Variants in TXLNB observed in about 807,000 individuals in gnomAD.
TXLNB encodes beta-taxilin.
Under a neutral mutation model 57.4 loss-of-function variants are expected in TXLNB, and 37 were observed. That is an observed-to-expected ratio of 0.64 (90% CI 0.50 to 0.85). The LOEUF (loss-of-function observed/expected upper bound fraction) is 0.85, where lower values mean the gene tolerates loss of function less well. Ranked by LOEUF, TXLNB falls within the 40% of genes least tolerant of loss-of-function variation. The pLI is 0.00. For missense variants in TXLNB, 848 were observed against 825.6 expected, an observed-to-expected ratio of 1.03 and a Z score of -0.33; for synonymous variants, 302 against 309.6, an observed-to-expected ratio of 0.98 and a Z score of 0.26.
chr6:139,205,359 T>G, the TXLNB span, among the ~76,000 whole-genome samples: 2 of 152,202 alleles, frequency 1.3e-5, no homozygotes, highest in Middle Eastern at 3.4e-3. Flanking sequence ...ACTCCTGACC[T>G]CAAGTAATCC....
the TXLNB span, chr6:139,169,912 ATTTATGGTTGTTTG>A: frequency 6.6e-6 from 1 of 152,220 alleles, no homozygotes; most frequent in African/African-American, 2.4e-5. Flanking sequence ...GCTGCATAGA[ATTTATGGTTGTTTG>A]TAACTTATTG....
At chr6:139,295,348 G>A (rs67059016), upstream of TXLNB, among the ~76,000 whole-genome samples, 2 of 152,020 alleles carry the variant, frequency 1.3e-5, no homozygotes, top group African/African-American at 2.4e-5. Flanking sequence ...TCAAATCAAC[G>A]TTAAAAGAAC....
rs11380166 is a variant in TXLNB at position 139,280,676 on chromosome 6, A to ATT, written c.425-3757_425-3756dup. ...AAAAGTATGCCTTTTCTCTTCCAAA[A>ATT]TTTTTTTTTTAGAACTTTGGGGTTA... On this transcript the variant is annotated intron_variant, in intron 2 of 9. Coordinates refer to ENST00000358430, the MANE Select transcript of TXLNB (RefSeq NM_153235.4). 7.4e-3 allele frequency among the ~76,000 whole-genome samples: 1,123 copies of ATT among 150,824 alleles called. 7 individuals are homozygous for ATT. Among genetic ancestry groups the ATT allele is most frequent in the Non-Finnish European group, 0.012 (809 of 67,612 alleles).
At chr6:139,308,986 T>TA in the TXLNB span, among the ~76,000 whole-genome samples, 1 of 152,186 alleles carries the variant, frequency 6.6e-6, no homozygotes, top group African/African-American at 2.4e-5. Context: ...TCTACCCCTG[T>TA]GAAAGGTAAA....
At chr6:139,185,526 C>G in the TXLNB span, among the ~76,000 whole-genome samples, 14 of 152,160 alleles carry the variant, frequency 9.2e-5, no homozygotes, top group East Asian at 2.5e-3. Flanking sequence ...ACGGTGAAAC[C>G]CCGTCTCTAC....
the TXLNB span, among the ~76,000 whole-genome samples, chr6:139,199,446 G>A: frequency 1.4e-4 from 21 of 152,214 alleles, no homozygotes; most frequent in Non-Finnish European, 2.1e-4. Flanking sequence ...AGTGGTGAAT[G>A]AGCAGACAGG....
At chr6:139,185,171 T>G in the TXLNB span, among the ~76,000 whole-genome samples, 2 of 151,948 alleles carry the variant, frequency 1.3e-5, no homozygotes, top group African/African-American at 4.8e-5. Flanking sequence ...GTGGGAGTCC[T>G]GGGGGCTACT....
In TXLNB at chr6:139,243,017, C is replaced by CT. The variant is rs1217176162; in HGVS notation, c.1563dup (p.Glu522ArgfsTer14). 6.2e-7 allele frequency: 1 copy of CT among 1,614,152 alleles called. No individual in the cohort carries two copies. Among genetic ancestry groups the CT allele is most frequent in the Non-Finnish European group, 8.5e-7 (1 of 1,180,036 alleles). On this transcript the variant is annotated frameshift_variant, in exon 10 of 10. Transcript: ENST00000358430. LOFTEE classifies it low-confidence loss of function (END_TRUNC). ...GAACTGCCTATTTCGGGTTGGGTTT[C>CT]TTTGGACTGGTGCGGGGTTGACTCT...
the TXLNB span, chr6:139,200,089 G>C: frequency 2.6e-5 from 4 of 152,084 alleles, no homozygotes; most frequent in Admixed American, 6.6e-5. Context: ...GGAAGATATG[G>C]GACTCCTTTG....
chr6:139,307,650 G>C, the TXLNB span, among the ~76,000 whole-genome samples: 1 of 152,136 alleles, frequency 6.6e-6, no homozygotes, highest in African/African-American at 2.4e-5. Flanking sequence ...CCTATATAGA[G>C]ATTTCCAGGA....
chr6:139,216,625 T>C, the TXLNB span, among the ~76,000 whole-genome samples: 1 of 151,978 alleles, frequency 6.6e-6, no homozygotes, highest in Admixed American at 6.6e-5. Context: ...TAAAGTATAA[T>C]AATAATAATT....
chr6:139,191,104 A>AT, the TXLNB span, among the ~76,000 whole-genome samples: 142 of 150,562 alleles, frequency 9.4e-4, no homozygotes, highest in East Asian at 2.2e-3. Flanking sequence ...ATGAAGTTTA[A>AT]TTTTTTTTTT....
At chr6:139,237,631 T>C (rs1775851399), downstream of TXLNB, 1 of 152,182 alleles carries the variant, frequency 6.6e-6, no homozygotes, top group South Asian at 2.1e-4. Flanking sequence ...AATATTTCCT[T>C]TTCCTCTTGT....
intron 1 of TXLNB, among the ~76,000 whole-genome samples, chr6:139,289,746 C>A (rs1777263711): frequency 6.6e-6 from 1 of 152,136 alleles, no homozygotes; most frequent in South Asian, 2.1e-4. Context: ...TGTAGATTAA[C>A]AATCACTGGG....
chr6:139,309,076 G>A, the TXLNB span, among the ~76,000 whole-genome samples: 2 of 152,184 alleles, frequency 1.3e-5, no homozygotes, highest in African/African-American at 4.8e-5. Flanking sequence ...CTCCCAGCTG[G>A]AACTTTGAAT....
chr6:139,319,487 A>T, the TXLNB span, among the ~76,000 whole-genome samples: 1 of 151,688 alleles, frequency 6.6e-6, no homozygotes, highest in Non-Finnish European at 1.5e-5. Flanking sequence ...CCTTTGTTAA[A>T]GGAGCAATAT....
rs529834848 is a variant in TXLNB, at chr6:139,254,887, C to T, written c.1077+677G>A. 6.6e-5 allele frequency among the ~76,000 whole-genome samples: 10 copies of T among 151,834 alleles called. No individual in the cohort carries two copies. In the South Asian group the frequency reaches 1.7e-3, roughly 25 times the overall value. On this transcript the variant is annotated intron_variant, in intron 7 of 9. Transcript: ENST00000358430. ...AGGCTGGAGTGCAGTGATGTGATCT[C>T]GGCTCACTGCAGCCTCCGCCTCCTG...
the TXLNB span, chr6:139,166,321 T>C: frequency 6.2e-7 from 1 of 1,612,138 alleles, no homozygotes; most frequent in Non-Finnish European, 8.5e-7. Context: ...GCAGCTTCGG[T>C]AGGCCGGTGG....
At chr6:139,304,710 A>C in the TXLNB span, among the ~76,000 whole-genome samples, 81 of 152,346 alleles carry the variant, frequency 5.3e-4, no homozygotes, top group Admixed American at 4.8e-3. Flanking sequence ...AGAAACTAAC[A>C]ATGAAGAGAG....
Sources: allele counts gnomAD v4.1 joint callset (sites outside exome capture counted in the v4.1 genomes callset), GRCh38; gene constraint gnomAD v4.1.1; transcripts MANE v1.5; gene names NCBI Gene and HGNC (gene_info 2026-07-23, HGNC 2026-07-21).